GNAL: variants seen among roughly 807,000 people sequenced by gnomAD.
GNAL encodes the protein guanine nucleotide-binding protein G(olf) subunit alpha.
GNAL carries 18 observed loss-of-function variants against 55.1 expected under a neutral mutation model. The observed-to-expected ratio is 0.33, with a 90% CI of 0.23 to 0.48. The LOEUF is 0.48. Among genes scored for constraint, GNAL ranks in the 20% least tolerant of loss-of-function variants. GNAL has a pLI of 0.99. For missense variants in GNAL, 412 were observed against 614.1 expected (o/e 0.67, Z 3.48); for synonymous variants, 253 against 237.0 (o/e 1.07, Z -0.62).
chr18:11,712,598 C>G (rs2031864355), intron 1 of GNAL, among the ~76,000 whole-genome samples: 1 of 152,104 alleles, frequency 6.6e-6, no homozygotes, highest in Non-Finnish European at 1.5e-5. Flanking sequence ...CAAATAGAGA[C>G]CAAAGGATGG....
chr18:11,729,369 C>T (rs1259909544), intron 1 of GNAL, among the ~76,000 whole-genome samples: 1 of 152,138 alleles, frequency 6.6e-6, no homozygotes, highest in Non-Finnish European at 1.5e-5. Flanking sequence ...GGAGGATGCT[C>T]TCTGCTCACC....
At chr18:11,832,183 T>G (rs939802123) in intron 5 of GNAL, among the ~76,000 whole-genome samples, 3 of 152,172 alleles carry the variant, frequency 2.0e-5, no homozygotes, top group Non-Finnish European at 4.4e-5. Context: ...TAGCATAGCT[T>G]TATAAAATCG....
chr18:11,727,232 C>T (rs2032233788), intron 1 of GNAL, among the ~76,000 whole-genome samples: 1 of 152,236 alleles, frequency 6.6e-6, no homozygotes, highest in Non-Finnish European at 1.5e-5. Context: ...GCCAGCTTCT[C>T]TGCTGCTCTC....
At chr18:11,816,398 G>A (rs2034955678) in intron 4 of GNAL, among the ~76,000 whole-genome samples, 1 of 152,044 alleles carries the variant, frequency 6.6e-6, no homozygotes, top group Non-Finnish European at 1.5e-5. Flanking sequence ...CCGGGTTCAA[G>A]CGATTCTCCT....
At chr18:11,808,312 G>T in intron 4 of GNAL, among the ~76,000 whole-genome samples, 1 of 152,148 alleles carries the variant, frequency 6.6e-6, no homozygotes, top group East Asian at 1.9e-4. Context: ...TCAGAAAGTG[G>T]CTGTGGCTGG....
At chr18:11,879,386 C>CT (rs2036608853) in intron 11 of GNAL, among the ~76,000 whole-genome samples, 1 of 152,042 alleles carries the variant, frequency 6.6e-6, no homozygotes, top group South Asian at 2.1e-4. Context: ...GGACCTCTGT[C>CT]TAAGTCTGCC....
chr18:11,698,220 C>T (rs537228806), intron 1 of GNAL, among the ~76,000 whole-genome samples: 14 of 152,160 alleles, frequency 9.2e-5, no homozygotes, highest in African/African-American at 2.4e-4. Context: ...AGGCTGGGCG[C>T]GGTGGCTCAT....
At chr18:11,792,881 T>C (rs972641835) in intron 4 of GNAL, among the ~76,000 whole-genome samples, 4 of 152,236 alleles carry the variant, frequency 2.6e-5, no homozygotes, top group African/African-American at 9.6e-5. Flanking sequence ...TTAGTAACTT[T>C]AGGTATGTTT....
At chr18:11,855,754 T>G (rs1241729383) in intron 5 of GNAL, among the ~76,000 whole-genome samples, 1 of 152,072 alleles carries the variant, frequency 6.6e-6, no homozygotes, top group African/African-American at 2.4e-5. Flanking sequence ...AGGCAGATCA[T>G]CTGAGGTTGG....
At chr18:11,867,786 C>T (rs866589527) in intron 8 of GNAL, among the ~76,000 whole-genome samples, 3 of 150,180 alleles carry the variant, frequency 2.0e-5, no homozygotes, top group Non-Finnish European at 3.0e-5. Context: ...TGCAGCAGTC[C>T]GGCCTGGGCA....
intron 4 of GNAL, among the ~76,000 whole-genome samples, chr18:11,765,707 G>A (rs1444475073): frequency 3.3e-5 from 5 of 152,128 alleles, no homozygotes; most frequent in Admixed American, 2.0e-4. Context: ...CACAATGTTC[G>A]TTCTATCCAT....
rs1375000535 is a variant in GNAL at position 11,751,244 on chromosome 18, C to T, written c.377-1609C>T. Among the ~76,000 whole-genome samples the T allele has an allele frequency of 6.6e-6, 1 of 152,142 alleles. No individual in the cohort carries two copies. The highest frequency in any genetic ancestry group is 1.5e-5 in the Non-Finnish European group (1 of 68,016). On this transcript the variant is annotated intron_variant, in intron 1 of 11. Coordinates refer to ENST00000334049, the MANE Select transcript of GNAL (RefSeq NM_182978.4). This position sits in a 1 kb window ranked among gnomAD's most constrained non-coding sequence, Gnocchi z 4.5. Reference sequence around the variant, plus strand: ...TCTGACCTCCTTCCCCCAAGTACAACACTGCAAACGCCAAGCTGCCGGCTC... The same window carrying T: ...TCTGACCTCCTTCCCCCAAGTACAATACTGCAAACGCCAAGCTGCCGGCTC...
intron 4 of GNAL, among the ~76,000 whole-genome samples, chr18:11,776,669 T>G (rs2033792725): frequency 6.9e-6 from 1 of 145,322 alleles, no homozygotes; most frequent in African/African-American, 2.6e-5. Context: ...GATTGCACCA[T>G]TGCACTCCAG....
intron 10 of GNAL, among the ~76,000 whole-genome samples, chr18:11,872,738 A>G (rs2036425176): frequency 6.6e-6 from 1 of 152,092 alleles, no homozygotes; most frequent in Admixed American, 6.6e-5. Flanking sequence ...CTTGATACAG[A>G]CCTTCTCACT....
intron 5 of GNAL, among the ~76,000 whole-genome samples, chr18:11,825,450 G>T (rs1039013501): frequency 6.6e-6 from 1 of 152,140 alleles, no homozygotes; most frequent in Non-Finnish European, 1.5e-5. Flanking sequence ...ATACCAGAAG[G>T]CTGGGCCCGA....
intron 1 of GNAL, among the ~76,000 whole-genome samples, chr18:11,697,016 A>G (rs999532125): frequency 1.3e-5 from 2 of 152,190 alleles, no homozygotes; most frequent in South Asian, 2.1e-4. Context: ...TTCCATCTCA[A>G]TGATAATCCT....
rs186666062 is a variant in GNAL at position 11,782,678 on chromosome 18, A to G, written c.624+28733A>G. Among the ~76,000 whole-genome samples, 122 of 152,300 alleles carry G rather than the reference A, an allele frequency of 8.0e-4. No individual in the cohort carries two copies. In the Middle Eastern group the frequency reaches 0.017, roughly 21 times the overall value. On this transcript the variant is annotated intron_variant, in intron 4 of 11. Coordinates refer to ENST00000334049, the MANE Select transcript of GNAL (RefSeq NM_182978.4). The stretch of plus-strand genomic sequence containing the variant: ...TCATGGGTGTTCCTTTTATGATTAA[A>G]CAAAAAAATAAGAAAATGAAAAAGG...
intron 5 of GNAL, among the ~76,000 whole-genome samples, chr18:11,833,232 A>G (rs1467126359): frequency 1.3e-5 from 2 of 151,896 alleles, no homozygotes; most frequent in Non-Finnish European, 2.9e-5. Context: ...AGGTTTCACA[A>G]TATTGGCCAG....
chr18:11,714,146 G>A (rs2031900194), intron 1 of GNAL, among the ~76,000 whole-genome samples: 2 of 152,172 alleles, frequency 1.3e-5, no homozygotes, highest in African/African-American at 4.8e-5. Flanking sequence ...TCTTCCTGGG[G>A]CCTGCCCACT....
Sources: allele counts gnomAD v4.1 joint callset (sites outside exome capture counted in the v4.1 genomes callset), GRCh38; gene constraint gnomAD v4.1.1; non-coding constraint Gnocchi (gnomAD v3.1); transcripts MANE v1.5; gene names NCBI Gene and HGNC (gene_info 2026-07-23, HGNC 2026-07-21).